The following TMEM177 variants were observed in gnomAD, a reference collection of about 807,000 sequenced individuals.
TMEM177 encodes the protein transmembrane protein 177.
TMEM177 carries 4 observed loss-of-function variants against 14.2 expected under a neutral mutation model. The observed-to-expected ratio is 0.28, with a 90% CI of 0.14 to 0.64. The LOEUF (loss-of-function observed/expected upper bound fraction) is 0.64, where lower values mean the gene tolerates loss of function less well. TMEM177 is among the 30% of genes least tolerant of loss of function. The probability of loss-of-function intolerance (pLI) is 0.82; values close to 1 mark genes in which losing one functional copy is unlikely to be tolerated. For missense variants in TMEM177, 344 were observed against 405.2 expected, an observed-to-expected ratio of 0.85 and a Z score of 1.30; for synonymous variants, 179 against 174.5, an observed-to-expected ratio of 1.03 and a Z score of -0.20.
At chr2:119,720,547 G>A in the TMEM177 span, among the ~76,000 whole-genome samples, 1 of 152,142 alleles carries the variant, frequency 6.6e-6, no homozygotes, top group Non-Finnish European at 1.5e-5. Context: ...TGGGATTACA[G>A]GCATGAGCCA....
At chr2:119,685,850 A>G (rs1689004915), downstream of TMEM177, 2 of 608,266 alleles carry the variant, frequency 3.3e-6, no homozygotes, top group Non-Finnish European at 5.9e-6. Context: ...CCTTTTCCTC[A>G]TGCTGGGTTA....
the TMEM177 span, among the ~76,000 whole-genome samples, chr2:119,701,616 C>T: frequency 2.6e-5 from 4 of 152,194 alleles, no homozygotes; most frequent in Non-Finnish European, 2.9e-5. Context: ...CCAGTGTAAC[C>T]GCCCAATGGG....
downstream of TMEM177, chr2:119,682,245 C>CA (rs1422465634): frequency 6.4e-6 from 1 of 156,900 alleles, no homozygotes; most frequent in Non-Finnish European, 1.4e-5. Flanking sequence ...CTCAGGCTCT[C>CA]AAAGTGCTGG....
chr2:119,683,564 A>G (rs905115574), downstream of TMEM177, among the ~76,000 whole-genome samples: 2 of 152,054 alleles, frequency 1.3e-5, no homozygotes, highest in African/African-American at 4.8e-5. Flanking sequence ...AGGAGCCATG[A>G]TGGTTTCAGG....
downstream of TMEM177, chr2:119,685,637 A>G (rs771859250): frequency 5.6e-6 from 4 of 717,242 alleles, no homozygotes; most frequent in South Asian, 5.9e-5. Context: ...GGTTGGTAAT[A>G]TTATTATTTC....
chr2:119,694,095 GCACA>G, the TMEM177 span, among the ~76,000 whole-genome samples: 1 of 72,914 alleles, frequency 1.4e-5, no homozygotes, highest in Non-Finnish European at 2.9e-5. Context: ...CACACACATG[GCACA>G]CACAAACACA....
At chr2:119,722,337 G>A in the TMEM177 span, among the ~76,000 whole-genome samples, 6 of 150,468 alleles carry the variant, frequency 4.0e-5, no homozygotes, top group South Asian at 4.2e-4. Flanking sequence ...AGCTATGATC[G>A]TACCACAGCA....
At chr2:119,710,448 C>T in the TMEM177 span, among the ~76,000 whole-genome samples, 1 of 152,288 alleles carries the variant, frequency 6.6e-6, no homozygotes, top group East Asian at 1.9e-4. Context: ...CCAAGCCCTA[C>T]CCGCGAGTTT....
chr2:119,702,296 T>C, the TMEM177 span, among the ~76,000 whole-genome samples: 1 of 152,196 alleles, frequency 6.6e-6, no homozygotes, highest in Admixed American at 6.5e-5. Flanking sequence ...AGTTATAATA[T>C]TGCAAAGGCA....
chr2:119,718,953 A>T, the TMEM177 span, among the ~76,000 whole-genome samples: 3 of 152,256 alleles, frequency 2.0e-5, no homozygotes, highest in East Asian at 5.8e-4. Flanking sequence ...TTGCCTGGCA[A>T]TGTTGTTAAA....
At chr2:119,691,899 G>A in the TMEM177 span, among the ~76,000 whole-genome samples, 1 of 152,198 alleles carries the variant, frequency 6.6e-6, no homozygotes, top group Non-Finnish European at 1.5e-5. Flanking sequence ...CCGATCCCCA[G>A]GTCCGGAGCC....
chr2:119,685,251 A>AAC (rs541840232), downstream of TMEM177, among the ~76,000 whole-genome samples: 20 of 105,902 alleles, frequency 1.9e-4, no homozygotes, highest in Admixed American at 1.4e-3. Flanking sequence ...CACACACACA[A>AAC]ACACACACAC....
chr2:119,721,905 A>T, the TMEM177 span, among the ~76,000 whole-genome samples: 1 of 152,204 alleles, frequency 6.6e-6, no homozygotes, highest in Non-Finnish European at 1.5e-5. Context: ...CACCAGGAGA[A>T]TGTCACATAA....
At chr2:119,707,617 C>T in the TMEM177 span, among the ~76,000 whole-genome samples, 4 of 152,190 alleles carry the variant, frequency 2.6e-5, no homozygotes, top group Admixed American at 2.0e-4. Context: ...GTCCAGAGCT[C>T]TCTGGAAGGT....
chr2:119,715,704 C>T, the TMEM177 span, among the ~76,000 whole-genome samples: 1 of 152,240 alleles, frequency 6.6e-6, no homozygotes, highest in Non-Finnish European at 1.5e-5. Flanking sequence ...AGCGGAACTT[C>T]GGCTTCCCTT....
the TMEM177 span, among the ~76,000 whole-genome samples, chr2:119,693,964 C>G: frequency 0.16 from 273 of 1,752 alleles, 1 homozygote; most frequent in South Asian, 0.24. Flanking sequence ...TGCAACATAC[C>G]ACACACAAAC....
At chr2:119,707,432 G>A in the TMEM177 span, among the ~76,000 whole-genome samples, 1 of 152,336 alleles carries the variant, frequency 6.6e-6, no homozygotes, top group Admixed American at 6.5e-5. Context: ...AATCTCCATG[G>A]TTCCTCAAAG....
chr2:119,695,203 G>A, the TMEM177 span, among the ~76,000 whole-genome samples: 10 of 152,292 alleles, frequency 6.6e-5, no homozygotes, highest in South Asian at 2.1e-4. Flanking sequence ...TGACAGCCCC[G>A]GAATGTGGAC....
chr2:119,714,596 G>A, the TMEM177 span, among the ~76,000 whole-genome samples: 3 of 152,216 alleles, frequency 2.0e-5, no homozygotes, highest in African/African-American at 7.2e-5. Flanking sequence ...CCCCTCAAAT[G>A]ACCACTCCTT....
Sources: gnomAD v4.1 joint callset for allele counts (sites outside exome capture counted in the v4.1 genomes callset) on GRCh38, gnomAD v4.1.1 for gene constraint, MANE v1.5 for transcripts, NCBI Gene and HGNC (gene_info 2026-07-23, HGNC 2026-07-21) for gene names.